The following GALNT13 variants were observed in gnomAD, a reference collection of about 807,000 sequenced individuals.
The protein encoded by GALNT13 is polypeptide N-acetylgalactosaminyltransferase 13.
Under a neutral mutation model 64.2 loss-of-function variants are expected in GALNT13, and 28 were observed. That is an observed-to-expected ratio of 0.44 (90% confidence interval 0.32 to 0.60). The LOEUF is 0.60. GALNT13 is among the 20% of genes least tolerant of loss of function. The pLI, the probability that GALNT13 is intolerant of heterozygous loss-of-function variation, is 0.05. For synonymous variants in GALNT13, 214 were observed against 224.6 expected (o/e 0.95, Z 0.42); for missense variants, 577 against 669.8 (o/e 0.86, Z 1.53).
At chr2:153,556,013 A>T in the GALNT13 span, among the ~76,000 whole-genome samples, 10 of 152,342 alleles carry the variant, frequency 6.6e-5, no homozygotes, top group African/African-American at 2.2e-4. Flanking sequence ...CAAATGGATG[A>T]TCATTTTTTT....
chr2:153,352,636 G>T, the GALNT13 span, among the ~76,000 whole-genome samples: 1 of 152,018 alleles, frequency 6.6e-6, no homozygotes, highest in African/African-American at 2.4e-5. Flanking sequence ...TTTTGTAAAG[G>T]TTATAAGGTC....
At chr2:153,434,788 A>G in the GALNT13 span, among the ~76,000 whole-genome samples, 1 of 151,784 alleles carries the variant, frequency 6.6e-6, no homozygotes, top group African/African-American at 2.4e-5. Flanking sequence ...TTGCCTGTTC[A>G]CTCTGATGGT....
chr2:153,399,592 T>A, the GALNT13 span, among the ~76,000 whole-genome samples: 1 of 151,890 alleles, frequency 6.6e-6, no homozygotes, highest in Admixed American at 6.6e-5. Context: ...TATCCTCTTT[T>A]ATTTCCTTGA....
chr2:153,915,219 A>G (rs1363154026), intron 2 of GALNT13, among the ~76,000 whole-genome samples: 1 of 152,110 alleles, frequency 6.6e-6, no homozygotes, highest in Admixed American at 6.5e-5. Flanking sequence ...TGTTGGGAAT[A>G]TGAGGATTTT....
intron 3 of GALNT13, among the ~76,000 whole-genome samples, chr2:154,005,906 C>G (rs1008005622): frequency 6.6e-6 from 1 of 152,112 alleles, no homozygotes; most frequent in Non-Finnish European, 1.5e-5. Context: ...TTTGGATTAG[C>G]TACAAGTTGC....
At chr2:153,973,688 A>G (rs900385856) in intron 3 of GALNT13, among the ~76,000 whole-genome samples, 7 of 152,014 alleles carry the variant, frequency 4.6e-5, no homozygotes, top group African/African-American at 1.4e-4. Context: ...AGTATCTTTC[A>G]TATAGCAGGT....
chr2:154,286,303 G>A (rs1222042869), intron 8 of GALNT13, among the ~76,000 whole-genome samples: 1 of 152,136 alleles, frequency 6.6e-6, no homozygotes, highest in Non-Finnish European at 1.5e-5. Flanking sequence ...TCTGATATTA[G>A]CTGTGGCCTT....
the GALNT13 span, among the ~76,000 whole-genome samples, chr2:153,861,315 A>G: frequency 6.6e-5 from 10 of 152,300 alleles, no homozygotes; most frequent in East Asian, 1.9e-3. Context: ...AATGTCATAT[A>G]GCTGTGAAAT....
At chr2:153,198,291 G>A in the GALNT13 span, among the ~76,000 whole-genome samples, 1 of 152,184 alleles carries the variant, frequency 6.6e-6, no homozygotes, top group Non-Finnish European at 1.5e-5. Context: ...AGCTCCCTAT[G>A]CCAGTCCCAG....
chr2:153,272,151 T>C, the GALNT13 span, among the ~76,000 whole-genome samples: 82 of 152,086 alleles, frequency 5.4e-4, no homozygotes, highest in East Asian at 0.012. Context: ...CCTAAAACCA[T>C]AAAAACCCTA....
At chr2:153,785,406 C>A in the GALNT13 span, among the ~76,000 whole-genome samples, 1 of 152,194 alleles carries the variant, frequency 6.6e-6, no homozygotes, top group African/African-American at 2.4e-5. Flanking sequence ...TGTTTCGTAG[C>A]CATCACTGTT....
chr2:154,015,948 A>T (rs1351230512), intron 3 of GALNT13, among the ~76,000 whole-genome samples: 1 of 152,210 alleles, frequency 6.6e-6, no homozygotes, highest in Non-Finnish European at 1.5e-5. Flanking sequence ...GTACAAACTC[A>T]GAGGTGCCAG....
At chr2:153,818,551 G>A in the GALNT13 span, among the ~76,000 whole-genome samples, 2 of 152,158 alleles carry the variant, frequency 1.3e-5, no homozygotes, top group East Asian at 1.9e-4. Flanking sequence ...CGTAGGCTTG[G>A]GGTCCCAGCA....
intron 3 of GALNT13, among the ~76,000 whole-genome samples, chr2:153,986,899 T>C (rs1694837942): frequency 6.6e-6 from 1 of 151,860 alleles, no homozygotes; most frequent in Non-Finnish European, 1.5e-5. Flanking sequence ...ATATTAACGA[T>C]AGAGGAAGGG....
intron 3 of GALNT13, among the ~76,000 whole-genome samples, chr2:153,970,858 T>C (rs1693690144): frequency 6.6e-6 from 1 of 152,208 alleles, no homozygotes; most frequent in Non-Finnish European, 1.5e-5. Flanking sequence ...ATATGCAAAC[T>C]TTCTTTAAAG....
the GALNT13 span, among the ~76,000 whole-genome samples, chr2:153,502,246 C>T: frequency 3.9e-5 from 6 of 152,238 alleles, no homozygotes; most frequent in Admixed American, 6.5e-5. Context: ...CCAACTCCCA[C>T]CCCTTCCCCC....
At chr2:154,192,946 T>G (rs1456067017) in intron 4 of GALNT13, among the ~76,000 whole-genome samples, 1 of 152,226 alleles carries the variant, frequency 6.6e-6, no homozygotes. Flanking sequence ...TGTTGAGTTC[T>G]TTAAATTGGC....
chr2:153,986,162 A>G (rs781311475), intron 3 of GALNT13, among the ~76,000 whole-genome samples: 1 of 152,018 alleles, frequency 6.6e-6, no homozygotes, highest in Non-Finnish European at 1.5e-5. Flanking sequence ...TTTACTTTAT[A>G]TGCTAAAGAG....
the GALNT13 span, among the ~76,000 whole-genome samples, chr2:153,324,173 C>T: frequency 6.6e-6 from 1 of 152,160 alleles, no homozygotes; most frequent in Non-Finnish European, 1.5e-5. Flanking sequence ...CTTCCTTGAG[C>T]ATTGCTTTGT....
Sources: allele counts gnomAD v4.1 joint callset (sites outside exome capture counted in the v4.1 genomes callset), GRCh38; gene constraint gnomAD v4.1.1; transcripts MANE v1.5; gene names NCBI Gene and HGNC (gene_info 2026-07-23, HGNC 2026-07-21).